Variants in SLC9C1 observed in about 807,000 individuals in gnomAD.
SLC9C1 encodes solute carrier family 9 member C1.
In SLC9C1, 97 loss-of-function variants were observed where a neutral mutation model predicts 140.9. That is an observed-to-expected ratio of 0.69 (90% CI 0.58 to 0.82). The LOEUF (loss-of-function observed/expected upper bound fraction) is 0.82, where lower values mean the gene tolerates loss of function less well. SLC9C1 is among the 40% of genes least tolerant of loss of function. SLC9C1 has a pLI of 0.00. For synonymous variants in SLC9C1, 440 were observed against 442.6 expected (o/e 0.99, Z 0.07); for missense variants, 1,340 against 1,389.3 (o/e 0.96, Z 0.56).
At chr3:112,173,710 C>A (rs139116160) in intron 23 of SLC9C1, among the ~76,000 whole-genome samples, 1 of 152,278 alleles carries the variant, frequency 6.6e-6, no homozygotes, top group East Asian at 1.9e-4. Flanking sequence ...GATTCCATGT[C>A]TTTGCTGTTG....
At chr3:112,177,743 T>C (rs1186893630) in intron 23 of SLC9C1, among the ~76,000 whole-genome samples, 4 of 145,360 alleles carry the variant, frequency 2.8e-5, no homozygotes, top group Non-Finnish European at 4.6e-5. Context: ...AAAAATTAAA[T>C]AGAAAAAAAA....
chr3:112,290,526 C>T (rs2080648656), intron 1 of SLC9C1, among the ~76,000 whole-genome samples: 2 of 152,222 alleles, frequency 1.3e-5, no homozygotes, highest in Non-Finnish European at 2.9e-5. Context: ...AGAATGTATA[C>T]TCTTTTGTTT....
intron 2 of SLC9C1, among the ~76,000 whole-genome samples, chr3:112,283,365 C>T (rs754858004): frequency 2.3e-4 from 35 of 151,932 alleles, no homozygotes; most frequent in Non-Finnish European, 4.4e-4. Context: ...TGCCTGTGGT[C>T]CTAGCTGCTT....
chr3:112,142,813 A>G (rs529575357), intron 28 of SLC9C1, among the ~76,000 whole-genome samples: 138 of 152,196 alleles, frequency 9.1e-4, no homozygotes, highest in African/African-American at 3.2e-3. Context: ...TGGGCTTAGG[A>G]TTCAAATGAT....
intron 5 of SLC9C1, among the ~76,000 whole-genome samples, chr3:112,277,056 C>A (rs1188631338): frequency 3.9e-5 from 6 of 151,954 alleles, no homozygotes; most frequent in African/African-American, 1.4e-4. Flanking sequence ...TATTTTAAAG[C>A]AATTTTTCTA....
intron 11 of SLC9C1, among the ~76,000 whole-genome samples, chr3:112,241,829 A>G (rs1336944162): frequency 6.6e-6 from 1 of 152,206 alleles, no homozygotes; most frequent in Non-Finnish European, 1.5e-5. Flanking sequence ...GACAAAGCTG[A>G]CAAAAACAGA....
chr3:112,221,201 T>C lies in SLC9C1; in HGVS notation c.1597A>G (p.Asn533Asp), dbSNP rs1347156124. The C allele has an allele frequency of 5.6e-6, 9 of 1,613,568 alleles. No individual in the cohort carries two copies. The highest frequency in any genetic ancestry group is 1.7e-5 in the Admixed American group (1 of 59,958). Residue 533 changes from asparagine to aspartate, a missense_variant, in exon 14 of 29, where the codon AAT (asparagine) becomes GAT (aspartate). Transcript: ENST00000305815. The part of the protein sequence containing the change: ...QIASYQRQYR[N>D]EILSQSAVQV... ...ACAGCACTCTGGGACAGAATCTCAT[T>C]CCTGTATTGTCTCTGGTAGCTTGCC...
intron 10 of SLC9C1, among the ~76,000 whole-genome samples, chr3:112,245,105 C>A (rs1387027468): frequency 1.3e-5 from 2 of 152,178 alleles, no homozygotes; most frequent in East Asian, 3.8e-4. Context: ...CAATGAGAGG[C>A]AGCTAGTATT....
At chr3:112,147,589 C>G (rs2074838325) in intron 28 of SLC9C1, 2 of 364,924 alleles carry the variant, frequency 5.5e-6, no homozygotes. Context: ...TTCTTTCTTT[C>G]AGAAAGATGA....
At chr3:112,254,984 A>G (rs1212946516) in intron 10 of SLC9C1, among the ~76,000 whole-genome samples, 2 of 152,210 alleles carry the variant, frequency 1.3e-5, no homozygotes, top group African/African-American at 2.4e-5. Flanking sequence ...TAAAAACACA[A>G]AGAAGGGCAT....
intron 14 of SLC9C1, among the ~76,000 whole-genome samples, chr3:112,217,762 G>A (rs1171596928): frequency 2.6e-5 from 4 of 152,166 alleles, no homozygotes; most frequent in African/African-American, 9.6e-5. Flanking sequence ...TAAACAGAGA[G>A]TATTAAAAAT....
In SLC9C1 at chr3:112,182,184, T is replaced by C. The variant is rs192301584; in HGVS notation, c.2598A>G (p.Leu866=). ...IIRPLTVEEV[L]YHIPWLDKNK... ...TTTTATCTAGCCACGGAATATGATA[T>C]AGAACTTCTTCAACAGTAAGAGGCC... The change falls in exon 21 of 29, where the codon CTA becomes CTG. Residue 866 remains leucine (L), a synonymous_variant. Coordinates refer to ENST00000305815, the MANE Select transcript of SLC9C1 (RefSeq NM_183061.3). 23 of 1,605,364 alleles carry C rather than the reference T, an allele frequency of 1.4e-5. No homozygotes were observed. The highest frequency in any genetic ancestry group is 1.7e-4 in the Middle Eastern group (1 of 6,026).
chr3:112,202,144 A>C (rs1459188021), intron 18 of SLC9C1, 106 bp downstream of exon 18: 5 of 1,253,174 alleles, frequency 4.0e-6, no homozygotes, highest in Non-Finnish European at 5.6e-6. Flanking sequence ...AATGAATTAG[A>C]AAACCAGGAG....
Position 112,168,960 on chromosome 3 carries a change from T to A in SLC9C1, c.3154A>T (p.Ile1052Phe). Residue 1052 changes from isoleucine to phenylalanine, a missense_variant, in exon 25 of 29, where the codon ATC (isoleucine) becomes TTC (phenylalanine). Transcript: ENST00000305815. ...DIYDENLIYVILIHGAVEDCL... is the reference protein window; with the variant it reads ...DIYDENLIYVFLIHGAVEDCL... Reference sequence around the variant, plus strand: ...TCTTCTACAGCTCCATGTATGAGGATAACATAGATTAGATTTTCATCATAA... The same window carrying A: ...TCTTCTACAGCTCCATGTATGAGGAAAACATAGATTAGATTTTCATCATAA... The A allele has an allele frequency of 6.2e-7, 1 of 1,612,412 alleles. No homozygotes were observed. The highest frequency in any genetic ancestry group is 8.5e-7 in the Non-Finnish European group (1 of 1,179,492).
At chr3:112,196,264 A>G (rs1282613393) in intron 20 of SLC9C1, among the ~76,000 whole-genome samples, 1 of 151,616 alleles carries the variant, frequency 6.6e-6, no homozygotes, top group Non-Finnish European at 1.5e-5. Context: ...TCTGCTATTA[A>G]TCTTATTGAG....
intron 27 of SLC9C1, among the ~76,000 whole-genome samples, chr3:112,153,437 G>A (rs9842178): frequency 0.99 from 150,712 of 152,186 alleles, 74,645 homozygotes; most frequent in Middle Eastern, 1. Flanking sequence ...CTCCTCATCT[G>A]TTTTTCTATT....
intron 20 of SLC9C1, among the ~76,000 whole-genome samples, chr3:112,191,188 C>A (rs1275441455): frequency 6.6e-6 from 1 of 152,072 alleles, no homozygotes; most frequent in Admixed American, 6.5e-5. Context: ...TATGAGGATG[C>A]TTTTTATTTC....
rs371705215 is a variant in SLC9C1 at position 112,269,989 on chromosome 3, C to T, written c.702G>A (p.Met234Ile). The change falls in exon 7 of 29, where the codon ATG becomes ATA. Residue 234 changes from methionine (M) to isoleucine (I), a missense_variant. Coordinates refer to ENST00000305815, the MANE Select transcript of SLC9C1 (RefSeq NM_183061.3). ...TGACATCATCACCAAAAACAGTTGACATCCAAAATTGAATCAGTTTTGAAC... is the reference window on the plus strand; with the variant it reads ...TGACATCATCACCAAAAACAGTTGATATCCAAAATTGAATCAGTTTTGAAC... Reference protein sequence around the residue: ...ILSSKLIQFWMSTVFGDDVNH... With the variant: ...ILSSKLIQFWISTVFGDDVNH... The T allele has an allele frequency of 6.2e-7, 1 of 1,600,908 alleles. No individual in the cohort carries two copies. Among genetic ancestry groups the T allele is most frequent in the African/African-American group, 1.3e-5 (1 of 74,328 alleles).
chr3:112,177,007 T>TC (rs2077351188), intron 23 of SLC9C1, among the ~76,000 whole-genome samples: 1 of 127,900 alleles, frequency 7.8e-6, no homozygotes, highest in Non-Finnish European at 1.7e-5. Flanking sequence ...CTCTCTCTCT[T>TC]TTTTTTTTTT....
Sources: allele counts gnomAD v4.1 joint callset (sites outside exome capture counted in the v4.1 genomes callset), GRCh38; gene constraint gnomAD v4.1.1; transcripts MANE v1.5; gene names NCBI Gene and HGNC (gene_info 2026-07-23, HGNC 2026-07-21).